The following OR51B5 variants were observed in gnomAD, a reference collection of about 807,000 sequenced individuals.
OR51B5 encodes olfactory receptor 51B5.
For missense variants in OR51B5, 456 were observed against 374.6 expected (o/e 1.22, Z -1.79); for synonymous variants, 186 against 144.8 (o/e 1.28, Z -2.04).
At chr11:5,373,866 C>T (rs1403319402) in intron 1 of OR51B5, among the ~76,000 whole-genome samples, 1 of 152,158 alleles carries the variant, frequency 6.6e-6, no homozygotes, top group Non-Finnish European at 1.5e-5. Flanking sequence ...CTCAAGGAGG[C>T]CTGCCTGCCT....
At chr11:5,437,136 C>A (rs2133772827) in intron 1 of OR51B5, among the ~76,000 whole-genome samples, 1 of 152,194 alleles carries the variant, frequency 6.6e-6, no homozygotes, top group Admixed American at 6.5e-5. Context: ...GCCCTCTCTC[C>A]ACTGATAAAA....
chr11:5,452,492 G>A (rs569526495), intron 1 of OR51B5, among the ~76,000 whole-genome samples: 31 of 98,806 alleles, frequency 3.1e-4, no homozygotes, highest in Admixed American at 5.0e-4. Flanking sequence ...GCAAAAGAGA[G>A]AGACTCTGTC....
At chr11:5,473,959 G>T (rs1851267803) in intron 1 of OR51B5, among the ~76,000 whole-genome samples, 2 of 151,904 alleles carry the variant, frequency 1.3e-5, no homozygotes, top group Non-Finnish European at 2.9e-5. Flanking sequence ...AAATAAGTCT[G>T]CCTTCTTAGA....
At chr11:5,483,476 G>A (rs183676331) in intron 1 of OR51B5, among the ~76,000 whole-genome samples, 24 of 139,156 alleles carry the variant, frequency 1.7e-4, no homozygotes, top group African/African-American at 2.4e-4. Flanking sequence ...CCTGCACAAC[G>A]TGCACATGTA....
At chr11:5,504,165 G>A (rs1846337376) in intron 1 of OR51B5, among the ~76,000 whole-genome samples, 1 of 152,052 alleles carries the variant, frequency 6.6e-6, no homozygotes, top group African/African-American at 2.4e-5. Context: ...ATGGGCATGT[G>A]TTTATGATGA....
intron 1 of OR51B5, among the ~76,000 whole-genome samples, chr11:5,376,724 T>A (rs906535994): frequency 1.3e-5 from 2 of 151,882 alleles, no homozygotes; most frequent in African/African-American, 4.8e-5. Context: ...AATGGATAAA[T>A]TCCTGGACAC....
rs1215682229 is a variant in OR51B5, at chr11:5,468,817, G to T, written n.84+36752C>A. 10 of 451,708 alleles carry T rather than the reference G, an allele frequency of 2.2e-5. No individual in the cohort carries two copies. The East Asian group carries it at 7.0e-4, about 31-fold the overall frequency. 28.0% of individuals were successfully genotyped at this position (451,708 alleles called of 1,614,324 possible). ...CAAAGGCAGAGATGACAATGAACAG[G>T]CCATACATGCTGTTGATGGTAGTGT... On this transcript the variant is annotated intron_variant and non_coding_transcript_variant, in intron 1 of 4. Coordinates refer to the OR51B5 transcript ENST00000415970.
intron 1 of OR51B5, among the ~76,000 whole-genome samples, chr11:5,458,875 G>T (rs1851003775): frequency 6.6e-6 from 1 of 152,140 alleles, no homozygotes; most frequent in Non-Finnish European, 1.5e-5. Context: ...GGATTTTCTA[G>T]GTATAGAAAC....
chr11:5,441,409 G>A, intron 1 of OR51B5: 1 of 1,613,938 alleles, frequency 6.2e-7, no homozygotes, highest in South Asian at 1.1e-5. Context: ...ATCATGTAGA[G>A]GATGCAGAAA....
intron 1 of OR51B5, among the ~76,000 whole-genome samples, chr11:5,359,799 T>G (rs542171233): frequency 1.3e-5 from 2 of 151,724 alleles, no homozygotes; most frequent in African/African-American, 4.8e-5. Flanking sequence ...AACAGAGATA[T>G]AGACCAATGG....
Position 5,500,460 on chromosome 11 carries a change from T to C in OR51B5, n.84+5109A>G, listed in dbSNP as rs563001566. ...GTCGGTACCAAAATGGAGTCATTCATGTCAAAATCAAACTAAATGGAGCCA... is the reference window on the plus strand; with the variant it reads ...GTCGGTACCAAAATGGAGTCATTCACGTCAAAATCAAACTAAATGGAGCCA... On this transcript the variant is annotated intron_variant and non_coding_transcript_variant, in intron 1 of 4. Coordinates refer to the OR51B5 transcript ENST00000415970. 3.8e-4 allele frequency among the ~76,000 whole-genome samples: 46 copies of C among 121,730 alleles called. 4 individuals carry two copies. The highest frequency in any genetic ancestry group is 4.2e-3 in the Middle Eastern group (1 of 238). 79.9% of individuals were successfully genotyped at this position (121,730 alleles called of 152,430 possible).
At chr11:5,347,699 G>C (rs947860762), upstream of OR51B5, among the ~76,000 whole-genome samples, 1 of 152,082 alleles carries the variant, frequency 6.6e-6, no homozygotes, top group African/African-American at 2.4e-5. Context: ...ATCTTGAGTT[G>C]TGCTGTTCAA....
intron 1 of OR51B5, among the ~76,000 whole-genome samples, chr11:5,360,415 GAAATACAAATC>G (rs1849264124): frequency 1.3e-5 from 2 of 151,624 alleles, no homozygotes; most frequent in Admixed American, 1.3e-4. Flanking sequence ...GGCCATCAGA[GAAATACAAATC>G]AAAACCACAG....
chr11:5,494,420 G>C (rs993763138), intron 1 of OR51B5, among the ~76,000 whole-genome samples: 5 of 152,096 alleles, frequency 3.3e-5, no homozygotes, highest in Non-Finnish European at 7.4e-5. Flanking sequence ...TCTCTCTTAA[G>C]GCAGGAGCTC....
At chr11:5,384,817 G>C (rs551969393) in intron 1 of OR51B5, among the ~76,000 whole-genome samples, 1 of 152,136 alleles carries the variant, frequency 6.6e-6, no homozygotes, top group East Asian at 1.9e-4. Context: ...CCAGGATATG[G>C]CCTTCGCCTT....
chr11:5,364,872 A>T lies in OR51B5; in HGVS notation n.85-17962T>A, dbSNP rs147112846. Reference sequence around the variant, plus strand: ...GTTTCTATTGGTGAATTTCCATTTAATATAGTTTTATTAAATGATTTTAGT... The same window carrying T: ...GTTTCTATTGGTGAATTTCCATTTATTATAGTTTTATTAAATGATTTTAGT... On this transcript the variant is annotated intron_variant and non_coding_transcript_variant, in intron 1 of 4. Coordinates refer to the OR51B5 transcript ENST00000415970. 1.8e-3 allele frequency among the ~76,000 whole-genome samples: 281 copies of T among 152,308 alleles called. 1 individual carries two copies. The highest frequency in any genetic ancestry group is 6.5e-3 in the African/African-American group (269 of 41,574).
At chr11:5,455,644 G>A (rs970662355) in intron 1 of OR51B5, 28 of 148,994 alleles carry the variant, frequency 1.9e-4, no homozygotes, top group South Asian at 2.1e-4. Context: ...AGATGCACTA[G>A]GTAGTCTAAC....
chr11:5,374,777 T>G (rs1279049378), intron 1 of OR51B5, among the ~76,000 whole-genome samples: 1 of 151,908 alleles, frequency 6.6e-6, no homozygotes, highest in Non-Finnish European at 1.5e-5. Flanking sequence ...AAGGGAAGTT[T>G]AGAGAAAAAA....
intron 1 of OR51B5, among the ~76,000 whole-genome samples, chr11:5,473,911 T>C (rs191315727): frequency 7.9e-5 from 12 of 151,738 alleles, no homozygotes; most frequent in African/African-American, 2.4e-4. Flanking sequence ...GGAGAGAGTG[T>C]GCACGGGAAA....
Sources: allele counts gnomAD v4.1 joint callset (sites outside exome capture counted in the v4.1 genomes callset), GRCh38; gene constraint gnomAD v4.1.1; transcripts MANE v1.5; gene names NCBI Gene and HGNC (gene_info 2026-07-23, HGNC 2026-07-21).